Variants in AFAP1 observed in about 807,000 individuals in gnomAD.
The protein encoded by AFAP1 is actin filament-associated protein 1.
Under a neutral mutation model 93.9 loss-of-function variants are expected in AFAP1, and 75 were observed. The ratio of observed to expected loss-of-function variants is 0.80; its 90% CI spans 0.66 to 0.97. AFAP1 has a LOEUF of 0.97. AFAP1 is among the 50% of genes least tolerant of loss of function. The pLI is 0.00. For missense variants in AFAP1, 1,201 were observed against 1,050.8 expected (o/e 1.14, Z -1.98); for synonymous variants, 517 against 430.7 (o/e 1.20, Z -2.48).
intron 3 of AFAP1, among the ~76,000 whole-genome samples, chr4:7,861,467 A>G (rs529381156): frequency 1.5e-3 from 236 of 152,366 alleles, no homozygotes; most frequent in African/African-American, 5.4e-3. Context: ...TCTTTATCCA[A>G]ATTACACCCC....
intron 5 of AFAP1, 91 bp downstream of exon 5, chr4:7,843,048 A>C: frequency 3.3e-5 from 45 of 1,352,436 alleles, no homozygotes; most frequent in Middle Eastern, 2.6e-4. Context: ...CCCTTCCTGC[A>C]CAGCTGATGT....
At chr4:7,798,789 C>A in intron 10 of AFAP1, 1 of 656,726 alleles carries the variant, frequency 1.5e-6, no homozygotes, top group Non-Finnish European at 1.9e-6. Context: ...AATGGCAGGG[C>A]AGGTGACTTC....
intron 1 of AFAP1, among the ~76,000 whole-genome samples, chr4:7,938,707 G>A (rs573031318): frequency 6.6e-6 from 1 of 152,010 alleles, no homozygotes; most frequent in Non-Finnish European, 1.5e-5. Context: ...GGCGCTGAGA[G>A]CTACAAAGTT....
intron 1 of AFAP1, among the ~76,000 whole-genome samples, chr4:7,879,548 A>G (rs1342021119): frequency 7.9e-5 from 12 of 152,160 alleles, no homozygotes; most frequent in Admixed American, 2.0e-4. Context: ...GACACCAAAC[A>G]AAAGATCTGA....
intron 1 of AFAP1, among the ~76,000 whole-genome samples, chr4:7,922,095 G>A (rs777601202): frequency 6.6e-6 from 1 of 152,214 alleles, no homozygotes; most frequent in Non-Finnish European, 1.5e-5. Context: ...CCTGGCGACA[G>A]AGTGAGACTC....
intron 16 of AFAP1, among the ~76,000 whole-genome samples, chr4:7,770,541 A>C (rs74750836): frequency 0.019 from 2,953 of 152,318 alleles, 31 homozygotes; most frequent in Middle Eastern, 0.037. Context: ...AACGCAGGGC[A>C]AGGGGACAGT....
chr4:7,920,768 A>G (rs962268589), intron 1 of AFAP1, among the ~76,000 whole-genome samples: 11 of 152,116 alleles, frequency 7.2e-5, no homozygotes, highest in East Asian at 1.9e-4. Context: ...GACAATTTCG[A>G]TATGTTTGAG....
intron 1 of AFAP1, among the ~76,000 whole-genome samples, chr4:7,938,145 C>CTGA (rs1184571381): frequency 6.6e-6 from 1 of 151,742 alleles, no homozygotes; most frequent in African/African-American, 2.4e-5. Context: ...TCGGCATGAG[C>CTGA]TGATGACTGG....
chr4:7,868,822 A>G, intron 2 of AFAP1, 103 bp from the exon 3 acceptor site: 1 of 990,568 alleles, frequency 1.0e-6, no homozygotes, highest in Non-Finnish European at 1.5e-6. Flanking sequence ...CACTTTGCAA[A>G]TATTTATTTT....
intron 1 of AFAP1, among the ~76,000 whole-genome samples, chr4:7,930,615 G>T (rs1007576006): frequency 6.6e-6 from 1 of 152,202 alleles, no homozygotes; most frequent in African/African-American, 2.4e-5. Context: ...AAGCTCTTGT[G>T]TCAGGAATTG....
chr4:7,825,841 G>C (rs1721372249), intron 6 of AFAP1, among the ~76,000 whole-genome samples: 1 of 151,480 alleles, frequency 6.6e-6, no homozygotes, highest in Non-Finnish European at 1.5e-5. Context: ...CTTCTGGCAA[G>C]ACTGTGAAGA....
At chr4:7,921,751 T>C (rs1041945224) in intron 1 of AFAP1, among the ~76,000 whole-genome samples, 1 of 152,142 alleles carries the variant, frequency 6.6e-6, no homozygotes, top group African/African-American at 2.4e-5. Context: ...ATCCAAACGG[T>C]TGGGAACAAC....
chr4:7,867,151 G>T (rs1036825782), intron 3 of AFAP1, among the ~76,000 whole-genome samples: 127 of 144,030 alleles, frequency 8.8e-4, no homozygotes, highest in African/African-American at 3.1e-3. Context: ...GGGAGGGGAG[G>T]GAACAGAGAA....
At chr4:7,872,569 C>T (rs538772070) in intron 1 of AFAP1, among the ~76,000 whole-genome samples, 1 of 152,184 alleles carries the variant, frequency 6.6e-6, no homozygotes, top group Non-Finnish European at 1.5e-5. Flanking sequence ...GGCCAGATGC[C>T]GAGGCTGGTG....
At chr4:7,881,656 G>A (rs865900893) in intron 1 of AFAP1, among the ~76,000 whole-genome samples, 1 of 152,080 alleles carries the variant, frequency 6.6e-6, no homozygotes, top group African/African-American at 2.4e-5. Flanking sequence ...GGTGGCACAC[G>A]CCTGTAGTCC....
intron 3 of AFAP1, among the ~76,000 whole-genome samples, chr4:7,856,245 C>T (rs1715045726): frequency 6.9e-6 from 1 of 144,792 alleles, no homozygotes; most frequent in Non-Finnish European, 1.5e-5. Context: ...CCAATCATGT[C>T]ACAATTTTTT....
chr4:7,892,852 G>A (rs957095812), intron 1 of AFAP1, among the ~76,000 whole-genome samples: 12 of 152,130 alleles, frequency 7.9e-5, no homozygotes, highest in Non-Finnish European at 1.8e-4. Flanking sequence ...GGGGAGCAGC[G>A]GGGTGGGGGA....
chr4:7,874,530 ATTTTT>A (rs71175435), intron 1 of AFAP1, among the ~76,000 whole-genome samples: 4,587 of 50,870 alleles, frequency 0.09, 88 homozygotes, highest in East Asian at 0.12. Context: ...TGCCCAGCTA[ATTTTT>A]TTTTTTTTTT....
chr4:7,771,796 G>A (rs1426573963), intron 16 of AFAP1, among the ~76,000 whole-genome samples: 1 of 152,192 alleles, frequency 6.6e-6, no homozygotes, highest in Admixed American at 6.5e-5. Flanking sequence ...AGCTCTGCAG[G>A]CGGGAGGGAG....
Sources: allele counts gnomAD v4.1 joint callset (sites outside exome capture counted in the v4.1 genomes callset), GRCh38; gene constraint gnomAD v4.1.1; transcripts MANE v1.5; gene names NCBI Gene and HGNC (gene_info 2026-07-23, HGNC 2026-07-21).